SP4: variants seen among roughly 807,000 people sequenced by gnomAD.
SP4 encodes the protein transcription factor Sp4.
Under a neutral mutation model 72.8 loss-of-function variants are expected in SP4, and 19 were observed. That is an observed-to-expected ratio of 0.26 (90% CI 0.18 to 0.38). The LOEUF is 0.38. Among genes scored for constraint, SP4 ranks in the 10% least tolerant of loss-of-function variants. The probability of loss-of-function intolerance (pLI) is 1.00; values close to 1 mark genes in which losing one functional copy is unlikely to be tolerated. For synonymous variants in SP4, 395 were observed against 333.1 expected (o/e 1.19, Z -2.02); for missense variants, 1,008 against 926.3 (o/e 1.09, Z -1.14).
At chr7:21,509,346 C>A (rs1040861198) in intron 5 of SP4, among the ~76,000 whole-genome samples, 18 of 151,994 alleles carry the variant, frequency 1.2e-4, no homozygotes, top group African/African-American at 3.6e-4. Flanking sequence ...TTTATGGAAT[C>A]TTAAGTCATA....
intron 5 of SP4, among the ~76,000 whole-genome samples, chr7:21,494,397 CA>C (rs149939694): frequency 0.014 from 2,064 of 152,190 alleles, 48 homozygotes; most frequent in East Asian, 0.079. Flanking sequence ...TGGTGCCTAC[CA>C]AAAAGCTTTT....
chr7:21,428,901 G>A, intron 2 of SP4, 109 bp downstream of exon 2: 1 of 868,758 alleles, frequency 1.2e-6, no homozygotes, highest in African/African-American at 1.7e-5. Flanking sequence ...TCCACTCAAA[G>A]CATCTTTCTG....
At chr7:21,476,107 C>G (rs1463140329) in intron 3 of SP4, among the ~76,000 whole-genome samples, 1 of 151,828 alleles carries the variant, frequency 6.6e-6, no homozygotes, top group Non-Finnish European at 1.5e-5. Flanking sequence ...CCTGTCTCTA[C>G]TAAAAATACA....
At chr7:21,510,260 C>T (rs904792233) in intron 5 of SP4, among the ~76,000 whole-genome samples, 90 of 152,224 alleles carry the variant, frequency 5.9e-4, no homozygotes, top group African/African-American at 1.9e-3. Flanking sequence ...GGAAGATCTA[C>T]GGCTAACAGT....
chr7:21,478,018 G>C (rs1445407886), intron 4 of SP4, among the ~76,000 whole-genome samples: 2 of 152,118 alleles, frequency 1.3e-5, no homozygotes, highest in South Asian at 4.1e-4. Context: ...AATAAATTCT[G>C]TATCTTTTTT....
chr7:21,505,994 C>T (rs2128416999), intron 5 of SP4, among the ~76,000 whole-genome samples: 1 of 152,190 alleles, frequency 6.6e-6, no homozygotes, highest in African/African-American at 2.4e-5. Context: ...TCCTCCTCCT[C>T]TGTCAGGAGG....
intron 5 of SP4, among the ~76,000 whole-genome samples, chr7:21,487,097 T>G (rs1784835119): frequency 6.6e-6 from 1 of 152,194 alleles, no homozygotes; most frequent in Non-Finnish European, 1.5e-5. Context: ...TCATGAGTAG[T>G]TCTTTTGTTC....
rs369900717 is a variant in SP4 at position 21,508,653 on chromosome 7, G to A, written c.2108-2369G>A. 1.5e-4 allele frequency among the ~76,000 whole-genome samples: 23 copies of A among 152,044 alleles called. 1 individual carries two copies. In the Middle Eastern group the frequency reaches 0.01, roughly 67 times the overall value. Reference sequence around the variant, plus strand: ...AAATACAGTTTGTTTGTTTTTTTAAGTAGGCCACTGCCTCCACCTTTGTAC... The same window carrying A: ...AAATACAGTTTGTTTGTTTTTTTAAATAGGCCACTGCCTCCACCTTTGTAC... On this transcript the variant is annotated intron_variant, in intron 5 of 5. Coordinates refer to ENST00000222584, the MANE Select transcript of SP4 (RefSeq NM_003112.5).
rs955720178 is a variant in SP4 at position 21,482,635 on chromosome 7, A to G, written c.2107+512A>G. The G allele has an allele frequency of 1.2e-5, 12 of 984,160 alleles. No individual in the cohort carries two copies. In the Admixed American group the frequency reaches 1.8e-4, roughly 15 times the overall value. 61.0% of individuals were successfully genotyped at this position (984,160 alleles called of 1,614,324 possible). A position where few individuals can be genotyped will look rare whatever the true frequency, so the allele number is the denominator to read the frequency against. ...GCAAAGCAGTTATAAAGTGAACATC[A>G]TGTTTACCCTTTCACCTTTCAAAGA... On this transcript the variant is annotated intron_variant, in intron 5 of 5. Coordinates refer to ENST00000222584, the MANE Select transcript of SP4 (RefSeq NM_003112.5).
At chr7:21,444,655 A>T (rs1180744168) in intron 3 of SP4, among the ~76,000 whole-genome samples, 1 of 152,180 alleles carries the variant, frequency 6.6e-6, no homozygotes, top group African/African-American at 2.4e-5. Context: ...GCCACTGTTT[A>T]AGCACTTTAT....
At position 21,484,747 on chromosome 7, in the gene SP4, A is replaced by G. The variant is rs560167911; in HGVS notation, c.2107+2624A>G. ...CCAAGAAAATTTTCTACTTTGTTTG[A>G]TTTGGAACCTCACATTATGATTGCT... On this transcript the variant is annotated intron_variant, in intron 5 of 5. Coordinates refer to ENST00000222584, the MANE Select transcript of SP4 (RefSeq NM_003112.5). Among the ~76,000 whole-genome samples, 25 of 151,932 alleles carry G rather than the reference A, an allele frequency of 1.6e-4. No homozygotes were observed. In the East Asian group the frequency reaches 4.8e-3, roughly 29 times the overall value.
chr7:21,444,671 TTAAC>T (rs1783365530), intron 3 of SP4, among the ~76,000 whole-genome samples: 1 of 152,184 alleles, frequency 6.6e-6, no homozygotes, highest in Non-Finnish European at 1.5e-5. Context: ...TTTATGTGTA[TTAAC>T]TGTTTATTTT....
At chr7:21,464,728 C>T (rs528429888) in intron 3 of SP4, among the ~76,000 whole-genome samples, 5 of 152,126 alleles carry the variant, frequency 3.3e-5, no homozygotes, top group African/African-American at 4.8e-5. Flanking sequence ...TCACAACCTT[C>T]ATAGGCTTCC....
chr7:21,428,182 C>CCCCCG lies in SP4; in HGVS notation c.-70_-69insCCCCG. On this transcript the variant is annotated 5_prime_UTR_variant, in exon 1 of 6. Transcript: ENST00000222584. ...GGCGGGCGGGACCGGCCTCTCCTCC[C>CCCCCG]GCCTCGCCCCCACCCCCACCCACCT... 1 of 642,316 alleles carries CCCCCG rather than the reference C, an allele frequency of 1.6e-6. No homozygotes were observed. The highest frequency in any genetic ancestry group is 2.9e-6 in the Non-Finnish European group (1 of 347,662). 39.8% of individuals were successfully genotyped at this position (642,316 alleles called of 1,614,324 possible).
chr7:21,507,309 T>G (rs1431925548), intron 5 of SP4, among the ~76,000 whole-genome samples: 1 of 152,228 alleles, frequency 6.6e-6, no homozygotes, highest in African/African-American at 2.4e-5. Context: ...GTGGAAGGAA[T>G]AGGGAAGTTC....
At position 21,440,159 on chromosome 7, in the gene SP4, G is replaced by A. The variant is rs746690591; in HGVS notation, c.1678+9316G>A. Among the ~76,000 whole-genome samples the A allele has an allele frequency of 3.9e-5, 6 of 151,924 alleles. 1 individual carries two copies. The highest frequency in any genetic ancestry group is 1.5e-5 in the Non-Finnish European group (1 of 67,984). Reference sequence around the variant, plus strand: ...TCACATTTTTGCTTGGGTACTCCCCGCCCCCACCAATTAGTTGTACCACTC... The same window carrying A: ...TCACATTTTTGCTTGGGTACTCCCCACCCCCACCAATTAGTTGTACCACTC... On this transcript the variant is annotated intron_variant, in intron 3 of 5. Coordinates refer to ENST00000222584, the MANE Select transcript of SP4 (RefSeq NM_003112.5).
chr7:21,488,698 A>G (rs370293768), intron 5 of SP4, among the ~76,000 whole-genome samples: 65 of 152,030 alleles, frequency 4.3e-4, no homozygotes, highest in South Asian at 1.7e-3. Context: ...GTTCGAGGCT[A>G]TAGTGCCTAT....
At chr7:21,438,349 T>G (rs1414401073) in intron 3 of SP4, among the ~76,000 whole-genome samples, 1 of 152,214 alleles carries the variant, frequency 6.6e-6, no homozygotes, top group African/African-American at 2.4e-5. Flanking sequence ...CTTACATGAT[T>G]AAGTCTTTAG....
chr7:21,457,229 C>A (rs1477333299), intron 3 of SP4, among the ~76,000 whole-genome samples: 1 of 152,070 alleles, frequency 6.6e-6, no homozygotes, highest in Admixed American at 6.6e-5. Context: ...TGGTCCCTGC[C>A]AGATTTCCTT....
Sources: allele counts gnomAD v4.1 joint callset (sites outside exome capture counted in the v4.1 genomes callset), GRCh38; gene constraint gnomAD v4.1.1; transcripts MANE v1.5; gene names NCBI Gene and HGNC (gene_info 2026-07-23, HGNC 2026-07-21).